HK1: variants seen among roughly 807,000 people sequenced by gnomAD.
HK1 encodes the protein hexokinase 1.
In HK1, 28 loss-of-function variants were observed where a neutral mutation model predicts 91.6. That is an observed-to-expected ratio of 0.31 (90% CI 0.23 to 0.42). HK1 has a LOEUF of 0.42. HK1 is among the 10% of genes least tolerant of loss of function. The pLI is 1.00. For missense variants in HK1, 770 were observed against 1,219.8 expected (o/e 0.63, Z 5.49); for synonymous variants, 430 against 468.1 (o/e 0.92, Z 1.05).
chr10:69,394,362 T>C (rs1840042476), intron 15 of HK1, among the ~76,000 whole-genome samples: 1 of 152,224 alleles, frequency 6.6e-6, no homozygotes, highest in Non-Finnish European at 1.5e-5. Flanking sequence ...TAGAAAAATC[T>C]AGAAACTTTC....
chr10:69,386,483 G>A, intron 13 of HK1, 65 bp downstream of exon 13: 1 of 1,334,626 alleles, frequency 7.5e-7, no homozygotes, highest in Non-Finnish European at 1.1e-6. Flanking sequence ...AAGTGTATTT[G>A]CCTGTTGTAA....
chr10:69,308,286 G>A (rs1165199240), intron 5 of HK1, among the ~76,000 whole-genome samples: 2 of 152,074 alleles, frequency 1.3e-5, no homozygotes, highest in Non-Finnish European at 2.9e-5. Flanking sequence ...TATGCAGCAG[G>A]ACAAGCTGCA....
At chr10:69,329,160 T>TTTCTTCTTCTTC (rs377633075) in intron 1 of HK1, among the ~76,000 whole-genome samples, 31 of 151,378 alleles carry the variant, frequency 2.0e-4, no homozygotes, top group African/African-American at 7.6e-4. Flanking sequence ...GCTTTCTTTC[T>TTTCTTCTTCTTC]TTCTTCTTCT....
intron 7 of HK1, among the ~76,000 whole-genome samples, chr10:69,373,756 AT>A (rs971898880): frequency 6.6e-6 from 1 of 151,628 alleles, no homozygotes; most frequent in African/African-American, 2.4e-5. Flanking sequence ...TGCCTGGCTA[AT>A]TTTAAAATTT....
intron 7 of HK1, among the ~76,000 whole-genome samples, chr10:69,371,873 TG>T (rs1850022720): frequency 6.6e-6 from 1 of 152,134 alleles, no homozygotes; most frequent in Non-Finnish European, 1.5e-5. Flanking sequence ...GGTGGCTAAA[TG>T]GGGGTACAGA....
chr10:69,273,520 T>C (rs768899210), intron 1 of HK1, among the ~76,000 whole-genome samples: 18 of 152,180 alleles, frequency 1.2e-4, no homozygotes, highest in Non-Finnish European at 1.6e-4. Flanking sequence ...CCAGCCTAAC[T>C]TTTGTATTTT....
upstream of HK1, chr10:69,315,742 A>G (rs563830123): frequency 6.1e-5 from 38 of 625,030 alleles, no homozygotes; most frequent in Middle Eastern, 4.2e-4. Context: ...ACAGTCACCC[A>G]TATCAGTTAG....
chr10:69,338,933 C>T (rs1471928751), intron 1 of HK1, among the ~76,000 whole-genome samples: 1 of 152,170 alleles, frequency 6.6e-6, no homozygotes, highest in Non-Finnish European at 1.5e-5. Flanking sequence ...TCCTGGGTTT[C>T]TGGCAGAGAT....
In HK1 at chr10:69,369,415, AT is replaced by A. The variant is rs1237320651; in HGVS notation, c.692-25del. On this transcript the variant is annotated intron_variant, in intron 6 of 17. Transcript: ENST00000359426. The surrounding 1 kb of genome is among the most constrained non-coding windows in gnomAD (Gnocchi z 4.4). ...TCTGCACCCTCCCCGTTGTGTGGTC[AT>A]AGCTTCTGATCTTGTCCTGCCCAGG... 1 of 1,614,082 alleles carries A rather than the reference AT, an allele frequency of 6.2e-7. No individual in the cohort carries two copies. The highest frequency in any genetic ancestry group is 1.3e-5 in the African/African-American group (1 of 74,934).
intron 1 of HK1, chr10:69,338,399 C>G (rs1311565044): frequency 8.2e-7 from 1 of 1,221,868 alleles, no homozygotes; most frequent in Non-Finnish European, 1.1e-6. Context: ...ACCAGACTGA[C>G]CAGAGTCCCA....
intron 5 of HK1, among the ~76,000 whole-genome samples, chr10:69,309,000 G>A (rs746160153): frequency 5.3e-5 from 8 of 152,098 alleles, no homozygotes; most frequent in Non-Finnish European, 1.2e-4. Flanking sequence ...TATAGGATAT[G>A]AAAATCATAC....
At chr10:69,344,791 A>G (rs1395794147) in intron 2 of HK1, among the ~76,000 whole-genome samples, 1 of 152,040 alleles carries the variant, frequency 6.6e-6, no homozygotes, top group African/African-American at 2.4e-5. Context: ...TGTGGAGGTG[A>G]ATGCTGTGCT....
At chr10:69,285,726 C>T (rs1453544475) in intron 2 of HK1, among the ~76,000 whole-genome samples, 6 of 151,906 alleles carry the variant, frequency 3.9e-5, no homozygotes, top group African/African-American at 1.4e-4. Flanking sequence ...CCAGTTACTT[C>T]GGGGTGGAGA....
chr10:69,318,363 G>C (rs1023171089), upstream of HK1: 2 of 355,620 alleles, frequency 5.6e-6, no homozygotes, highest in Non-Finnish European at 7.9e-6. Context: ...CGGCACCTCG[G>C]CGTCCACCGG....
intron 1 of HK1, among the ~76,000 whole-genome samples, chr10:69,329,910 A>G (rs1847611017): frequency 6.6e-6 from 1 of 151,998 alleles, no homozygotes; most frequent in Non-Finnish European, 1.5e-5. Flanking sequence ...AAGGAAATGG[A>G]TCCGATAAGG....
chr10:69,378,377 C>T (rs10128330), intron 8 of HK1, among the ~76,000 whole-genome samples: 6,497 of 151,692 alleles, frequency 0.043, 151 homozygotes, highest in Middle Eastern at 0.11. Flanking sequence ...AAATCAGGAG[C>T]GAGACAGTAT....
chr10:69,320,581 G>A (rs1042762566), intron 1 of HK1, among the ~76,000 whole-genome samples: 1 of 152,258 alleles, frequency 6.6e-6, no homozygotes, highest in South Asian at 2.1e-4. Flanking sequence ...CAGGGAGACA[G>A]TTCTCCCGGC....
intron 5 of HK1, among the ~76,000 whole-genome samples, chr10:69,302,482 C>T (rs563364550): frequency 6.7e-5 from 10 of 149,944 alleles, no homozygotes; most frequent in Non-Finnish European, 1.0e-4. Context: ...TCACACCATT[C>T]TCCTGCCTCA....
chr10:69,301,658 G>T (rs762644510), intron 5 of HK1, among the ~76,000 whole-genome samples: 7 of 149,878 alleles, frequency 4.7e-5, no homozygotes, highest in Non-Finnish European at 7.4e-5. Context: ...GAATAAACAA[G>T]AGAAGTATAG....
Sources: gnomAD v4.1 joint callset for allele counts (sites outside exome capture counted in the v4.1 genomes callset) on GRCh38, gnomAD v4.1.1 for gene constraint, Gnocchi (gnomAD v3.1) non-coding constraint, MANE v1.5 for transcripts, NCBI Gene and HGNC (gene_info 2026-07-23, HGNC 2026-07-21) for gene names.